Variants in NUP98 observed in about 807,000 individuals in gnomAD.
NUP98 encodes nucleoporin 98 and 96 precursor.
A neutral mutation model predicts 191.9 loss-of-function variants in NUP98; 26 were observed. The observed-to-expected ratio is 0.14, with a 90% confidence interval of 0.10 to 0.19. The LOEUF (loss-of-function observed/expected upper bound fraction) is 0.19, where lower values mean the gene tolerates loss of function less well. NUP98 is among the 10% of genes least tolerant of loss of function. The pLI, the probability that NUP98 is intolerant of heterozygous loss-of-function variation, is 1.00. For missense variants in NUP98, 1,941 were observed against 2,178.8 expected (o/e 0.89, Z 2.17); for synonymous variants, 808 against 778.4 (o/e 1.04, Z -0.63).
chr11:3,697,950 T>C (rs1367053131), intron 25 of NUP98, among the ~76,000 whole-genome samples: 3 of 151,964 alleles, frequency 2.0e-5, no homozygotes, highest in African/African-American at 4.8e-5. Context: ...AAAAAGCCAG[T>C]GAGTACCTCA....
chr11:3,768,291 G>C (rs959678198), intron 8 of NUP98, among the ~76,000 whole-genome samples: 5 of 151,806 alleles, frequency 3.3e-5, no homozygotes, highest in African/African-American at 1.2e-4. Context: ...CATGGTGGTG[G>C]ACACCTGTAG....
intron 31 of NUP98, among the ~76,000 whole-genome samples, chr11:3,676,971 A>G (rs1293647026): frequency 6.6e-6 from 1 of 152,230 alleles, no homozygotes; most frequent in Non-Finnish European, 1.5e-5. Context: ...ATGCAGCCAG[A>G]ACCAACATTT....
intron 1 of NUP98, among the ~76,000 whole-genome samples, chr11:3,791,840 T>TAAA (rs148173966): frequency 2.7e-5 from 3 of 112,946 alleles, no homozygotes; most frequent in African/African-American, 6.7e-5. Flanking sequence ...AGACTACATC[T>TAAA]AAAAAAAAAA....
chr11:3,685,853 G>A (rs528433240), intron 29 of NUP98, 120 bp downstream of exon 29: 32 of 749,286 alleles, frequency 4.3e-5, no homozygotes, highest in South Asian at 3.9e-4. Flanking sequence ...TTATCACAAC[G>A]CTGGATCTAA....
At chr11:3,709,026 T>A (rs2078950912) in intron 20 of NUP98, among the ~76,000 whole-genome samples, 1 of 152,242 alleles carries the variant, frequency 6.6e-6, no homozygotes, top group South Asian at 2.1e-4. Flanking sequence ...CTCAAAAGAC[T>A]GTTCCTCATT....
At chr11:3,696,777 T>G (rs1160067713) in intron 25 of NUP98, 1 of 151,458 alleles carries the variant, frequency 6.6e-6, no homozygotes, top group Admixed American at 6.6e-5. Context: ...GCCACTGCAC[T>G]CCATCCTGGG....
intron 1 of NUP98, among the ~76,000 whole-genome samples, chr11:3,786,851 A>G (rs991950296): frequency 1.3e-5 from 2 of 152,250 alleles, no homozygotes; most frequent in African/African-American, 4.8e-5. Flanking sequence ...AAGACTATGC[A>G]AGCTTCCCAA....
chr11:3,698,933 C>A, intron 25 of NUP98, 149 bp downstream of exon 25: 4 of 832,818 alleles, frequency 4.8e-6, no homozygotes. Context: ...ATTACATATT[C>A]CACGGGAACC....
intron 11 of NUP98, among the ~76,000 whole-genome samples, chr11:3,747,403 A>G (rs548043125): frequency 6.6e-6 from 1 of 152,342 alleles, no homozygotes; most frequent in South Asian, 2.1e-4. Context: ...ACTTCAAGGA[A>G]AACCTGTAGA....
Position 3,760,611 on chromosome 11 carries a change from T to G in NUP98, c.1102A>C (p.Asn368His), listed in dbSNP as rs1407292660. ...GAVGSTLFGN[N>H]KLTTFGSSTT... ...CTGCTTCCAAATGTAGTAAGCTTGT[T>G]ATTGCCAAACAGGGTCTAAAAAGAA... Residue 368 changes from asparagine (N) to histidine (H), a missense_variant, in exon 10 of 33, where the codon AAC (asparagine) becomes CAC (histidine). This residue lies in a region of NUP98 where 181 missense variants were observed against 228.0 expected (regional missense o/e 0.79). Transcript: ENST00000324932. 6.2e-7 allele frequency: 1 copy of G among 1,612,892 alleles called. No individual in the cohort carries two copies. Among genetic ancestry groups the G allele is most frequent in the Non-Finnish European group, 8.5e-7 (1 of 1,179,610 alleles).
intron 14 of NUP98, among the ~76,000 whole-genome samples, chr11:3,728,776 C>T (rs2079719104): frequency 6.6e-6 from 1 of 151,990 alleles, no homozygotes; most frequent in Admixed American, 6.6e-5. Flanking sequence ...ACAATAAGAA[C>T]TGAAGAGTAT....
chr11:3,754,611 C>T (rs2080891799), intron 10 of NUP98, among the ~76,000 whole-genome samples: 1 of 152,004 alleles, frequency 6.6e-6, no homozygotes, highest in South Asian at 2.1e-4. Flanking sequence ...CACTATGACC[C>T]ACCATTTAAA....
At chr11:3,767,324 T>A (rs779961194) in intron 8 of NUP98, among the ~76,000 whole-genome samples, 19 of 151,706 alleles carry the variant, frequency 1.3e-4, no homozygotes, top group Non-Finnish European at 2.2e-4. Context: ...GGTACAAGCA[T>A]ACTTTTTTTT....
At position 3,767,676 on chromosome 11, in the gene NUP98, C is replaced by T. The variant is rs1376012716; in HGVS notation, c.948+905G>A. On this transcript the variant is annotated intron_variant, in intron 8 of 32. Transcript: ENST00000324932. Reference sequence around the variant, plus strand: ...TCTAATTTTAAGACGAGGTAAATTCCAAGTCCTGATCAATTACTCATACAT... The same window carrying T: ...TCTAATTTTAAGACGAGGTAAATTCTAAGTCCTGATCAATTACTCATACAT... Among the ~76,000 whole-genome samples the T allele has an allele frequency of 2.0e-5, 3 of 152,034 alleles. No homozygotes were observed. In the East Asian group the frequency reaches 5.8e-4, roughly 29 times the overall value.
At chr11:3,717,359 G>A (rs2079221905) in intron 18 of NUP98, among the ~76,000 whole-genome samples, 2 of 152,114 alleles carry the variant, frequency 1.3e-5, no homozygotes, top group South Asian at 4.1e-4. Flanking sequence ...TGTGTCTGGT[G>A]TACTTTCTTT....
chr11:3,691,535 T>G, intron 27 of NUP98, 46 bp from the exon 28 acceptor site: 1 of 1,580,960 alleles, frequency 6.3e-7, no homozygotes, highest in Non-Finnish European at 8.7e-7. Flanking sequence ...CCTAATCAGT[T>G]TTACTAGATG....
chr11:3,713,046 A>G (rs1292563962), intron 19 of NUP98, among the ~76,000 whole-genome samples: 1 of 152,226 alleles, frequency 6.6e-6, no homozygotes, highest in African/African-American at 2.4e-5. Flanking sequence ...ATTGCCTGTT[A>G]TCCTCTATCT....
chr11:3,735,047 C>T lies in NUP98; in HGVS notation c.1542+144G>A, dbSNP rs3213988. ...AGATACAGCAAAAATAATTTACTCC[C>T]GGCTGAGTGAAATAATATCTTAAAA... On this transcript the variant is annotated intron_variant, in intron 13 of 32. Coordinates refer to ENST00000324932, the MANE Select transcript of NUP98 (RefSeq NM_016320.5). The T allele has an allele frequency of 2.7e-4, 190 of 692,226 alleles. No individual in the cohort carries two copies. The East Asian group carries it at 5.3e-3, about 19-fold the overall frequency. The allele number at this position is 692,226 out of a possible 1,614,324, so 42.9% of individuals were successfully genotyped here.
rs1015348711 is a variant in NUP98 at position 3,676,204 on chromosome 11, G to A, written c.5358C>T (p.Ser1786=). 1 of 1,614,172 alleles carries A rather than the reference G, an allele frequency of 6.2e-7. No homozygotes were observed. The highest frequency in any genetic ancestry group is 8.5e-7 in the Non-Finnish European group (1 of 1,180,036). ...PEDYAMDELR[S]LTQSYLRELA... Reference sequence around the variant, plus strand: ...GTTCTCGCAGATAGGACTGGGTAAGGCTGCGCAGTTCGTCCATGGCATAGT... The same window carrying A: ...GTTCTCGCAGATAGGACTGGGTAAGACTGCGCAGTTCGTCCATGGCATAGT... Residue 1786 remains serine (S), a synonymous_variant, in exon 33 of 33, where the codon AGC becomes AGT. Transcript: ENST00000324932.
Sources: allele counts gnomAD v4.1 joint callset (sites outside exome capture counted in the v4.1 genomes callset), GRCh38; gene constraint gnomAD v4.1.1; regional missense constraint gnomAD v4.1.1; transcripts MANE v1.5; gene names NCBI Gene and HGNC (gene_info 2026-07-23, HGNC 2026-07-21).